CDH13: variants seen among roughly 807,000 people sequenced by gnomAD.
CDH13 encodes cadherin 13.
CDH13 carries 24 observed loss-of-function variants against 63.8 expected under a neutral mutation model. The observed-to-expected ratio is 0.38, with a 90% confidence interval of 0.27 to 0.53. The LOEUF (loss-of-function observed/expected upper bound fraction) is 0.53. Ranked by LOEUF, CDH13 falls within the 20% of genes least tolerant of loss-of-function variation. CDH13 has a pLI of 0.85. For synonymous variants in CDH13, 503 were observed against 355.3 expected (o/e 1.42, Z -4.67); for missense variants, 1,049 against 903.1 (o/e 1.16, Z -2.07).
chr16:82,951,187 A>G (rs1905252912), intron 2 of CDH13, among the ~76,000 whole-genome samples: 1 of 152,108 alleles, frequency 6.6e-6, no homozygotes, highest in Admixed American at 6.5e-5. Context: ...TGTCCTCTAC[A>G]AAAGTCAGTG....
At chr16:83,785,902 A>G (rs1567595251) in intron 13 of CDH13, among the ~76,000 whole-genome samples, 1 of 152,178 alleles carries the variant, frequency 6.6e-6, no homozygotes, top group Non-Finnish European at 1.5e-5. Flanking sequence ...AGGCTCCTGG[A>G]CATTCTAACA....
At chr16:83,146,207 A>AAG (rs1261247427) in intron 4 of CDH13, among the ~76,000 whole-genome samples, 5 of 133,416 alleles carry the variant, frequency 3.7e-5, no homozygotes, top group South Asian at 2.1e-4. Flanking sequence ...AAAAAAAAAA[A>AAG]AAAGAAAAGA....
chr16:82,945,353 T>C (rs1904588241), intron 2 of CDH13, among the ~76,000 whole-genome samples: 1 of 152,150 alleles, frequency 6.6e-6, no homozygotes, highest in Non-Finnish European at 1.5e-5. Flanking sequence ...TGGACCATAG[T>C]TGGTCAAGCC....
chr16:83,692,811 C>T (rs1905039154), intron 10 of CDH13, among the ~76,000 whole-genome samples: 1 of 152,138 alleles, frequency 6.6e-6, no homozygotes, highest in Non-Finnish European at 1.5e-5. Context: ...CGGCTGGGCA[C>T]GGTGGCTTAC....
chr16:83,057,517 T>C (rs2031070478), intron 3 of CDH13, among the ~76,000 whole-genome samples: 1 of 152,182 alleles, frequency 6.6e-6, no homozygotes, highest in Non-Finnish European at 1.5e-5. Context: ...TAAGTTTTTT[T>C]CAAAAGTAGT....
At chr16:83,193,044 G>C (rs1597493431) in intron 4 of CDH13, among the ~76,000 whole-genome samples, 1 of 152,080 alleles carries the variant, frequency 6.6e-6, no homozygotes, top group East Asian at 1.9e-4. Context: ...TCTGGTGTCA[G>C]ATGGCACACT....
intron 6 of CDH13, among the ~76,000 whole-genome samples, chr16:83,447,464 G>A (rs1598043322): frequency 2.0e-5 from 3 of 152,082 alleles, no homozygotes; most frequent in African/African-American, 7.2e-5. Flanking sequence ...ATGAGTTACT[G>A]TGGATCAGGA....
At chr16:82,857,379 C>A (rs1241422174) in intron 1 of CDH13, among the ~76,000 whole-genome samples, 4 of 152,138 alleles carry the variant, frequency 2.6e-5, no homozygotes, top group Non-Finnish European at 4.4e-5. Flanking sequence ...CTTCTCTGTC[C>A]CAGTATGTGT....
At chr16:82,852,627 T>C (rs1002534312) in intron 1 of CDH13, among the ~76,000 whole-genome samples, 1 of 152,200 alleles carries the variant, frequency 6.6e-6, no homozygotes, top group African/African-American at 2.4e-5. Context: ...CTAATCTCAA[T>C]GACAGTTCTT....
intron 3 of CDH13, among the ~76,000 whole-genome samples, chr16:83,069,755 C>A (rs1282216412): frequency 6.6e-6 from 1 of 152,144 alleles, no homozygotes; most frequent in African/African-American, 2.4e-5. Context: ...CAGTGCTAAC[C>A]CTGTTCAGAG....
At chr16:83,139,540 C>A (rs1318117297) in intron 4 of CDH13, among the ~76,000 whole-genome samples, 1 of 152,136 alleles carries the variant, frequency 6.6e-6, no homozygotes, top group Non-Finnish European at 1.5e-5. Context: ...ACTTGAAATT[C>A]ATCACAAGTG....
chr16:83,306,302 G>T (rs1417969218), intron 5 of CDH13, among the ~76,000 whole-genome samples: 1 of 152,230 alleles, frequency 6.6e-6, no homozygotes, highest in South Asian at 2.1e-4. Flanking sequence ...TGGATCCCCA[G>T]TGTGGGGGTG....
At chr16:83,546,134 G>T (rs2075381570) in intron 7 of CDH13, among the ~76,000 whole-genome samples, 1 of 152,190 alleles carries the variant, frequency 6.6e-6, no homozygotes, top group African/African-American at 2.4e-5. Context: ...AAGAGCCATT[G>T]TGAGGTGAGG....
chr16:83,651,233 A>G (rs1488786904), intron 8 of CDH13, among the ~76,000 whole-genome samples: 1 of 152,232 alleles, frequency 6.6e-6, no homozygotes, highest in African/African-American at 2.4e-5. Flanking sequence ...AGGGTACTGT[A>G]ACAAAAAGTT....
intron 1 of CDH13, among the ~76,000 whole-genome samples, chr16:82,681,246 G>A (rs1014575106): frequency 6.6e-6 from 1 of 152,216 alleles, no homozygotes; most frequent in Non-Finnish European, 1.5e-5. Flanking sequence ...GATGCCGGTG[G>A]CAACGACCCC....
Position 83,456,894 on chromosome 16 carries a change from G to A in CDH13, c.782-29583G>A, listed in dbSNP as rs1406906246. ...GGAGAGTCACTTGAACCTGGGAGGC[G>A]GATGTTGCAGTGAGCTGAGAAGATG... is the stretch of plus-strand genomic sequence containing the variant. On this transcript the variant is annotated intron_variant, in intron 6 of 13. Coordinates refer to ENST00000567109, the MANE Select transcript of CDH13 (RefSeq NM_001257.5). Among the ~76,000 whole-genome samples, 5 of 152,114 alleles carry A rather than the reference G, an allele frequency of 3.3e-5. No homozygotes were observed. The East Asian group carries it at 9.7e-4, about 29-fold the overall frequency.
chr16:83,204,159 C>G (rs573046663), intron 4 of CDH13, among the ~76,000 whole-genome samples: 1 of 152,194 alleles, frequency 6.6e-6, no homozygotes, highest in African/African-American at 2.4e-5. Flanking sequence ...GGCTCAATGC[C>G]TTGTTGGGTC....
At chr16:83,141,786 C>A (rs2036539442) in intron 4 of CDH13, among the ~76,000 whole-genome samples, 1 of 152,154 alleles carries the variant, frequency 6.6e-6, no homozygotes, top group African/African-American at 2.4e-5. Flanking sequence ...TCTGTTCTGT[C>A]TTAGTTTGCT....
intron 2 of CDH13, among the ~76,000 whole-genome samples, chr16:82,912,445 C>T (rs908606582): frequency 3.3e-5 from 5 of 152,176 alleles, no homozygotes; most frequent in African/African-American, 1.2e-4. Context: ...ACAGGCCGGC[C>T]CTTCCCCCAG....
Sources: allele counts gnomAD v4.1 joint callset (sites outside exome capture counted in the v4.1 genomes callset), GRCh38; gene constraint gnomAD v4.1.1; transcripts MANE v1.5; gene names NCBI Gene and HGNC (gene_info 2026-07-23, HGNC 2026-07-21).